Variants in MGA observed in about 807,000 individuals in gnomAD.
MGA encodes MAX gene-associated protein.
MGA carries 40 observed loss-of-function variants against 261.1 expected under a neutral mutation model. The observed-to-expected ratio is 0.15, with a 90% CI of 0.12 to 0.20. MGA has a LOEUF of 0.20. Among genes scored for constraint, MGA ranks in the 10% least tolerant of loss-of-function variants. The pLI is 1.00. For missense variants in MGA, 3,397 were observed against 3,630.5 expected (o/e 0.94, Z 1.65); for synonymous variants, 1,302 against 1,290.6 (o/e 1.01, Z -0.19).
rs2059689703 is a variant in MGA at position 41,698,948 on chromosome 15, T to A, written c.2092+7T>A. 6.5e-7 allele frequency: 1 copy of A among 1,547,274 alleles called. No homozygotes were observed. Among genetic ancestry groups the A allele is most frequent in the Non-Finnish European group, 8.7e-7 (1 of 1,143,766 alleles). On this transcript the variant is annotated splice_region_variant and intron_variant, in intron 4 of 23. Transcript: ENST00000219905. ...TCAACCACAAATGACTCAGGTATTA[T>A]AAAATAGTATAAAAAGAGTTGTATT...
At chr15:41,667,226 AATT>A (rs1171776754) in intron 1 of MGA, among the ~76,000 whole-genome samples, 1 of 152,030 alleles carries the variant, frequency 6.6e-6, no homozygotes, top group Non-Finnish European at 1.5e-5. Flanking sequence ...AGCCTTTAAA[AATT>A]ATTATTACTG....
Position 41,749,705 on chromosome 15 carries a change from A to T in MGA, c.6098A>T (p.Asp2033Val), listed in dbSNP as rs775802817. The T allele has an allele frequency of 1.2e-6, 2 of 1,614,032 alleles. No individual in the cohort carries two copies. The highest frequency in any genetic ancestry group is 1.6e-4 in the Middle Eastern group (1 of 6,062). The change falls in exon 17 of 24, where the codon GAT becomes GTT. Residue 2033 changes from aspartate (D) to valine (V), a missense_variant. Asp to Val is a radical substitution (Grantham distance 152). Coordinates refer to ENST00000219905, the MANE Select transcript of MGA (RefSeq NM_001164273.2). ...TTGGAAGATAGGGGTGATCATTTGG[A>T]TGAAGAATGCCTTCCAGAAGAAGGT...
intron 19 of MGA, 74 bp downstream of exon 19, chr15:41,757,913 A>G: frequency 7.9e-7 from 1 of 1,260,790 alleles, no homozygotes; most frequent in East Asian, 2.4e-5. Context: ...TTGAAACAAC[A>G]TTAGCTATAT....
chr15:41,735,190 A>C (rs1184169030), intron 12 of MGA, among the ~76,000 whole-genome samples: 1 of 152,150 alleles, frequency 6.6e-6, no homozygotes, highest in Non-Finnish European at 1.5e-5. Context: ...GGGTGGAGGG[A>C]ACCTGCCTGA....
intron 1 of MGA, among the ~76,000 whole-genome samples, chr15:41,641,497 T>C (rs2056818669): frequency 6.7e-6 from 1 of 150,238 alleles, no homozygotes; most frequent in Non-Finnish European, 1.5e-5. Context: ...CTTTTTTTTT[T>C]TTTTTTTTTT....
chr15:41,630,390 G>C (rs949414670), intron 1 of MGA, among the ~76,000 whole-genome samples: 2 of 152,130 alleles, frequency 1.3e-5, no homozygotes, highest in Non-Finnish European at 2.9e-5. Flanking sequence ...AAATTCATTT[G>C]TTTTCCCAGT....
intron 1 of MGA, among the ~76,000 whole-genome samples, chr15:41,661,948 G>T (rs186376424): frequency 7.2e-5 from 11 of 152,240 alleles, no homozygotes; most frequent in Admixed American, 3.9e-4. Context: ...TTCCCCGGAA[G>T]AGCTTTCCTT....
intron 2 of MGA, among the ~76,000 whole-genome samples, chr15:41,677,782 G>A (rs1050802736): frequency 2.6e-5 from 4 of 151,952 alleles, no homozygotes; most frequent in Non-Finnish European, 5.9e-5. Context: ...AAATTGAGTC[G>A]TTATTTTGTT....
intron 1 of MGA, among the ~76,000 whole-genome samples, chr15:41,637,780 T>C (rs886243555): frequency 6.6e-6 from 1 of 152,086 alleles, no homozygotes; most frequent in African/African-American, 2.4e-5. Context: ...AGTCTTGTTC[T>C]GTTGCTCAGG....
At chr15:41,631,538 A>G (rs1476294122) in intron 1 of MGA, among the ~76,000 whole-genome samples, 2 of 152,208 alleles carry the variant, frequency 1.3e-5, no homozygotes, top group African/African-American at 4.8e-5. Context: ...AAAATAAAAT[A>G]CATAATTTGA....
intron 14 of MGA, 115 bp downstream of exon 14, chr15:41,740,318 T>C: frequency 8.5e-7 from 1 of 1,174,234 alleles, no homozygotes; most frequent in Non-Finnish European, 1.2e-6. Context: ...ATTATTCTTA[T>C]TCTTGTTGTC....
At chr15:41,726,463 T>C (rs182795545) in intron 9 of MGA, among the ~76,000 whole-genome samples, 1 of 152,302 alleles carries the variant, frequency 6.6e-6, no homozygotes, top group Admixed American at 6.5e-5. Flanking sequence ...GCATGGTGGC[T>C]CACAACTGTA....
rs61736062 is a variant in MGA, at chr15:41,711,077, G to A, written c.2812G>A (p.Val938Ile). 1.2e-6 allele frequency: 2 copies of A among 1,613,970 alleles called. No homozygotes were observed. Among genetic ancestry groups the A allele is most frequent in the African/African-American group, 2.7e-5 (2 of 75,012 alleles). The change falls in exon 8 of 24, where the codon GTT (valine) becomes ATT (isoleucine). Residue 938 changes from valine to isoleucine, a missense_variant. By Grantham distance (29) the Val-to-Ile change is conservative. Around this residue, in one of 9 missense-constraint regions of MGA, gnomAD observed 519 missense variants for 554.1 expected, o/e 0.94. Transcript: ENST00000219905. The stretch of plus-strand genomic sequence containing the variant: ...CTCTCATGTGATTCTAGGAGATAAG[G>A]TTACCAAGAATTCTTCAGGCATCAT...
At position 41,632,149 on chromosome 15, in the gene MGA, C is replaced by T. The variant is rs1028898130; in HGVS notation, c.-68+10851C>T. Among the ~76,000 whole-genome samples, 7 of 152,278 alleles carry T rather than the reference C, an allele frequency of 4.6e-5. No individual in the cohort carries two copies. The East Asian group carries it at 9.6e-4, about 21-fold the overall frequency. The stretch of plus-strand genomic sequence containing the variant: ...TTATCCATGATACATGTGTGTACTA[C>T]TTTCAGGCCTCTAGATGAGGGGTTG... On this transcript the variant is annotated intron_variant, in intron 1 of 8. Transcript: ENST00000566718.
In MGA at chr15:41,669,904, A is replaced by G. The variant is rs774263435; in HGVS notation, c.1010A>G (p.Asp337Gly). 6.2e-7 allele frequency: 1 copy of G among 1,613,976 alleles called. No homozygotes were observed. The highest frequency in any genetic ancestry group is 8.5e-7 in the Non-Finnish European group (1 of 1,179,878). Residue 337 changes from aspartate to glycine, a missense_variant, in exon 2 of 24, where the codon GAT (aspartate) becomes GGT (glycine). This residue lies in a region of MGA where 563 missense variants were observed against 563.6 expected (regional missense o/e 1.00). Coordinates refer to ENST00000219905, the MANE Select transcript of MGA (RefSeq NM_001164273.2). ...AAACGAGACTTTCTTGGTTTCATGGATACTGATTCAGCACTTAGTGAAGTT... is the reference window on the plus strand; with the variant it reads ...AAACGAGACTTTCTTGGTTTCATGGGTACTGATTCAGCACTTAGTGAAGTT...
chr15:41,640,403 A>G (rs1414552944), intron 1 of MGA, among the ~76,000 whole-genome samples: 1 of 152,216 alleles, frequency 6.6e-6, no homozygotes, highest in African/African-American at 2.4e-5. Flanking sequence ...GAGAATTTAC[A>G]AAGGAGTTGT....
At chr15:41,665,724 C>A (rs187953267) in intron 1 of MGA, among the ~76,000 whole-genome samples, 156 of 152,220 alleles carry the variant, frequency 1.0e-3, no homozygotes, top group Non-Finnish European at 1.7e-3. Context: ...TATAATTCAT[C>A]ATTTTAAAGT....
intron 5 of MGA, among the ~76,000 whole-genome samples, chr15:41,703,723 C>T (rs1595792096): frequency 6.6e-6 from 1 of 152,130 alleles, no homozygotes; most frequent in East Asian, 1.9e-4. Context: ...GCCTGGGCAA[C>T]AGAGCGAGAC....
At chr15:41,762,422 C>G in intron 22 of MGA, 60 bp downstream of exon 22, 3 of 1,079,650 alleles carry the variant, frequency 2.8e-6, no homozygotes, top group Non-Finnish European at 4.0e-6. Context: ...CTTTAGTGGA[C>G]TGACCACCTT....
Sources: allele counts gnomAD v4.1 joint callset (sites outside exome capture counted in the v4.1 genomes callset), GRCh38; gene constraint gnomAD v4.1.1; regional missense constraint gnomAD v4.1.1; transcripts MANE v1.5; gene names NCBI Gene and HGNC (gene_info 2026-07-23, HGNC 2026-07-21).